SRA1: variants seen among roughly 807,000 people sequenced by gnomAD.
The protein encoded by SRA1 is steroid receptor RNA activator 1.
Under a neutral mutation model 24.3 loss-of-function variants are expected in SRA1, and 25 were observed. The ratio of observed to expected loss-of-function variants is 1.03; its 90% CI spans 0.75 to 1.43. The LOEUF is 1.43. SRA1 is among the 40% of genes most tolerant of loss of function. The probability of loss-of-function intolerance (pLI) is 0.00; values close to 1 mark genes in which losing one functional copy is unlikely to be tolerated. For synonymous variants in SRA1, 104 were observed against 109.5 expected, an observed-to-expected ratio of 0.95 and a Z score of 0.31; for missense variants, 303 against 286.6, an observed-to-expected ratio of 1.06 and a Z score of -0.41.
chr5:140,557,231 A>G lies in SRA1; in HGVS notation c.67T>C (p.Tyr23His). ...RGWNDPPQFS[Y>H]GLQTQAGGPR... Reference sequence around the variant, plus strand: ...CCGCCGGCCTGGGTCTGCAGCCCGTATGAGAACTGCGGCGGGTCGTTCCAG... The same window carrying G: ...CCGCCGGCCTGGGTCTGCAGCCCGTGTGAGAACTGCGGCGGGTCGTTCCAG... The change falls in exon 2 of 5, where the codon TAC becomes CAC. Residue 23 changes from tyrosine (Y) to histidine (H), a missense_variant. Tyr to His is a moderately conservative substitution (Grantham distance 83, BLOSUM62 2). Transcript: ENST00000336283. 1 of 1,613,246 alleles carries G rather than the reference A, an allele frequency of 6.2e-7. No homozygotes were observed. The highest frequency in any genetic ancestry group is 8.5e-7 in the Non-Finnish European group (1 of 1,179,970).
rs769953726 is a variant in SRA1, at chr5:140,551,988, G to A, written c.348C>T (p.His116=). The change falls in exon 3 of 5, where the codon CAC becomes CAT. Residue 116 remains histidine (H), a synonymous_variant. Coordinates refer to ENST00000336283, the MANE Select transcript of SRA1 (RefSeq NM_001035235.4). ...LEQALEDCRG[H]TRKQVCDDIS... The stretch of plus-strand genomic sequence containing the variant: ...CTGATGTGCCAGAGCTTACCCTTGT[G>A]TGGCCACGGCAGTCTTCCAATGCCT... 1.2e-6 allele frequency: 2 copies of A among 1,613,882 alleles called. No homozygotes were observed. The highest frequency in any genetic ancestry group is 4.5e-5 in the East Asian group (2 of 44,856).
intron 2 of SRA1, among the ~76,000 whole-genome samples, chr5:140,554,217 T>A (rs2127119415): frequency 6.6e-6 from 1 of 152,344 alleles, no homozygotes; most frequent in South Asian, 2.1e-4. Context: ...TGTCCCACTT[T>A]CCTGGTTAAA....
At chr5:140,551,409 C>G (rs1754557882) in intron 3 of SRA1, 1 of 452,894 alleles carries the variant, frequency 2.2e-6, no homozygotes, top group Non-Finnish European at 4.0e-6. Context: ...CAGGAATTCT[C>G]TCATCTTCCC....
Position 140,554,837 on chromosome 5 carries a change from CTT to C in SRA1, c.151+2308_151+2309del, listed in dbSNP as rs569188804. Among the ~76,000 whole-genome samples the C allele has an allele frequency of 1.9e-4, 29 of 152,250 alleles. No individual in the cohort carries two copies. In the South Asian group the frequency reaches 4.3e-3, roughly 23 times the overall value. On this transcript the variant is annotated intron_variant, in intron 2 of 4. Transcript: ENST00000336283. Reference sequence around the variant, plus strand: ...GTTCTCACTACTGCAGAGACTTGCTCTTGTTATGATCACGAGTGACTGCTATG... The same window carrying C: ...GTTCTCACTACTGCAGAGACTTGCTCGTTATGATCACGAGTGACTGCTATG...
intron 3 of SRA1, chr5:140,551,758 G>A: frequency 2.1e-6 from 1 of 467,470 alleles, no homozygotes; most frequent in Non-Finnish European, 3.8e-6. Context: ...TTCAACTCTT[G>A]TTCCCACAGC....
Position 140,550,757 on chromosome 5 carries a change from T to C in SRA1, c.618A>G (p.Lys206=), listed in dbSNP as rs1754529492. Reference sequence around the variant, plus strand: ...GGTTCTTCTCAGCTGTGGCTGCAGATTTCTCTTCATTGGCTGCCTCCTCTG... The same window carrying C: ...GGTTCTTCTCAGCTGTGGCTGCAGACTTCTCTTCATTGGCTGCCTCCTCTG... ...LFSEEAANEE[K]SAATAEKNHT... Residue 206 remains lysine, a synonymous_variant, in exon 5 of 5, where the codon AAA becomes AAG. Transcript: ENST00000336283. 1.2e-6 allele frequency: 2 copies of C among 1,614,132 alleles called. No homozygotes were observed. Among genetic ancestry groups the C allele is most frequent in the Admixed American group, 3.3e-5 (2 of 60,018 alleles).
chr5:140,552,996 G>A (rs1253764938), intron 2 of SRA1, among the ~76,000 whole-genome samples: 1 of 152,208 alleles, frequency 6.6e-6, no homozygotes, highest in African/African-American at 2.4e-5. Flanking sequence ...GCAATAAAGA[G>A]AAATGGGAGA....
At chr5:140,550,950 C>T (rs1754538431) in intron 4 of SRA1, 39 bp from the exon 5 acceptor site, 3 of 1,597,456 alleles carry the variant, frequency 1.9e-6, no homozygotes, top group Admixed American at 1.7e-5. Flanking sequence ...GCCTGTGGTA[C>T]AAGAGCTTCC....
At position 140,551,118 on chromosome 5, in the gene SRA1, A is replaced by G; in HGVS notation, c.406T>C (p.Trp136Arg). 1.2e-6 allele frequency: 2 copies of G among 1,614,128 alleles called. No homozygotes were observed. The highest frequency in any genetic ancestry group is 2.2e-5 in the South Asian group (2 of 91,074). Reference protein sequence around the residue: ...SRRLALLQEQWAGGKLSIPVK... With the variant: ...SRRLALLQEQRAGGKLSIPVK... ...GGTATTGACAACTTTCCTCCAGCCCACTGTTCCTGCAGCAGTGCCAGGCGT... is the reference window on the plus strand; with the variant it reads ...GGTATTGACAACTTTCCTCCAGCCCGCTGTTCCTGCAGCAGTGCCAGGCGT... The change falls in exon 4 of 5, where the codon TGG (tryptophan) becomes CGG (arginine). Residue 136 changes from tryptophan (W) to arginine (R), a missense_variant. Trp to Arg is a moderately radical substitution (Grantham distance 101, BLOSUM62 -3). Coordinates refer to ENST00000336283, the MANE Select transcript of SRA1 (RefSeq NM_001035235.4).
chr5:140,557,155 G>A lies in SRA1; in HGVS notation c.143C>T (p.Ser48Phe). 1 of 1,610,134 alleles carries A rather than the reference G, an allele frequency of 6.2e-7. No individual in the cohort carries two copies. The highest frequency in any genetic ancestry group is 1.1e-5 in the South Asian group (1 of 90,788). ...ACAGGGGCCCCACGCACCTCTGGGG[G>A]ATCCATCCTGGGGTGCGGCGACCCT... ...TKRVAAPQDG[S>F]PRVPASETSP... is the part of the protein sequence containing the mutation. The change falls in exon 2 of 5, where the codon TCC becomes TTC. Residue 48 changes from serine to phenylalanine, a missense_variant. By Grantham distance (155) the Ser-to-Phe change is radical. Coordinates refer to ENST00000336283, the MANE Select transcript of SRA1 (RefSeq NM_001035235.4).
intron 2 of SRA1, among the ~76,000 whole-genome samples, chr5:140,553,936 C>A (rs1754626532): frequency 2.6e-5 from 4 of 152,184 alleles, no homozygotes; most frequent in African/African-American, 7.2e-5. Flanking sequence ...AGAAAGAAGA[C>A]TGGAAGACAA....
chr5:140,554,875 C>G (rs1183608373), intron 2 of SRA1, among the ~76,000 whole-genome samples: 1 of 152,048 alleles, frequency 6.6e-6, no homozygotes, highest in East Asian at 1.9e-4. Flanking sequence ...TTTGTCAAAT[C>G]TACTGGTTCC....
chr5:140,557,118 C>T, intron 2 of SRA1, 29 bp downstream of exon 2: 2 of 1,238,334 alleles, frequency 1.6e-6, no homozygotes, highest in South Asian at 1.3e-5. Flanking sequence ...CATTCTCCGT[C>T]TGTCTCCGAG....
chr5:140,554,358 C>CT (rs1176662467), intron 2 of SRA1, among the ~76,000 whole-genome samples: 1 of 152,152 alleles, frequency 6.6e-6, no homozygotes, highest in African/African-American at 2.4e-5. Context: ...CAGAACTTCT[C>CT]TTCCTTTCCT....
Position 140,550,084 on chromosome 5 carries a change from T to A in SRA1, c.*616A>T. On this transcript the variant is annotated 3_prime_UTR_variant, in exon 5 of 5. Transcript: ENST00000336283. ...AACCCAAAATGAGGCAGCAGTTTGTTTGGCAAGTCAGAGTTACAATCCCCA... is the reference window on the plus strand; with the variant it reads ...AACCCAAAATGAGGCAGCAGTTTGTATGGCAAGTCAGAGTTACAATCCCCA... The A allele has an allele frequency of 6.4e-6, 1 of 155,224 alleles. No homozygotes were observed. The highest frequency in any genetic ancestry group is 1.9e-4 in the East Asian group (1 of 5,238). 9.6% of individuals were successfully genotyped at this position (155,224 alleles called of 1,614,324 possible).
Position 140,557,154 on chromosome 5 carries a change from G to A in SRA1, c.144C>T (p.Ser48=), listed in dbSNP as rs1334707985. ...CACAGGGGCCCCACGCACCTCTGGG[G>A]GATCCATCCTGGGGTGCGGCGACCC... is the stretch of plus-strand genomic sequence containing the variant. ...TKRVAAPQDG[S]PRVPASETSP... Residue 48 remains serine, a synonymous_variant, in exon 2 of 5, where the codon TCC becomes TCT. Coordinates refer to ENST00000336283, the MANE Select transcript of SRA1 (RefSeq NM_001035235.4). The A allele has an allele frequency of 6.2e-7, 1 of 1,610,602 alleles. No individual in the cohort carries two copies. Among genetic ancestry groups the A allele is most frequent in the Admixed American group, 1.7e-5 (1 of 59,742 alleles).
At chr5:140,557,640 A>C, upstream of SRA1, 1 of 658,276 alleles carries the variant, frequency 1.5e-6, no homozygotes, top group Non-Finnish European at 2.6e-6. Context: ...GCTCCATCTA[A>C]TGAACCATCA....
chr5:140,552,081 G>C lies in SRA1; in HGVS notation c.255C>G (p.Gly85=). The change falls in exon 3 of 5, where the codon GGC becomes GGG. Residue 85 remains glycine (G), a synonymous_variant. Transcript: ENST00000336283. ...CGACTGGGAAACTTGTGGGCTCCAC[G>C]CCAGAGGCAGGACCACTCCCCACAG... ...SPPVGSGPAS[G]VEPTSFPVES... 6.2e-7 allele frequency: 1 copy of C among 1,613,898 alleles called. No individual in the cohort carries two copies. Among genetic ancestry groups the C allele is most frequent in the Non-Finnish European group, 8.5e-7 (1 of 1,179,918 alleles).
upstream of SRA1, chr5:140,557,725 A>C: frequency 3.6e-6 from 2 of 551,698 alleles, no homozygotes; most frequent in Non-Finnish European, 6.4e-6. Flanking sequence ...TCCTCTCAGG[A>C]GCAAATTCAA....
Sources: allele counts gnomAD v4.1 joint callset (sites outside exome capture counted in the v4.1 genomes callset), GRCh38; gene constraint gnomAD v4.1.1; transcripts MANE v1.5; gene names NCBI Gene and HGNC (gene_info 2026-07-23, HGNC 2026-07-21).